PLEKHG1: variants seen among roughly 807,000 people sequenced by gnomAD.
The protein encoded by PLEKHG1 is pleckstrin homology domain-containing family G member 1.
A neutral mutation model predicts 100.8 loss-of-function variants in PLEKHG1; 44 were observed. The ratio of observed to expected loss-of-function variants is 0.44; its 90% CI spans 0.34 to 0.56. The LOEUF (loss-of-function observed/expected upper bound fraction) is 0.56, where lower values mean the gene tolerates loss of function less well. Among genes scored for constraint, PLEKHG1 ranks in the 20% least tolerant of loss-of-function variants. PLEKHG1 has a pLI of 0.01. For synonymous variants in PLEKHG1, 640 were observed against 662.5 expected, an observed-to-expected ratio of 0.97 and a Z score of 0.52; for missense variants, 1,545 against 1,720.9, an observed-to-expected ratio of 0.90 and a Z score of 1.81.
At chr6:150,700,741 C>T (rs772813513) in intron 3 of PLEKHG1, among the ~76,000 whole-genome samples, 2 of 152,166 alleles carry the variant, frequency 1.3e-5, no homozygotes, top group East Asian at 1.9e-4. Flanking sequence ...GATGAGCTTG[C>T]TGTGCTTTGA....
chr6:150,702,203 G>A (rs538357284), intron 3 of PLEKHG1, among the ~76,000 whole-genome samples: 2 of 152,338 alleles, frequency 1.3e-5, no homozygotes, highest in East Asian at 1.9e-4. Context: ...TGGGCGCAGT[G>A]GCTCATGCCT....
At chr6:150,626,263 G>C (rs1777505561) in intron 1 of PLEKHG1, among the ~76,000 whole-genome samples, 2 of 152,176 alleles carry the variant, frequency 1.3e-5, no homozygotes, top group Admixed American at 6.5e-5. Context: ...AAGGAATAGA[G>C]AGAGATACTA....
At chr6:150,730,732 G>A (rs553384528) in intron 1 of PLEKHG1, among the ~76,000 whole-genome samples, 5 of 152,042 alleles carry the variant, frequency 3.3e-5, no homozygotes, top group East Asian at 3.9e-4. Context: ...GTGAAACCCC[G>A]TCTCTACTAA....
In PLEKHG1 at chr6:150,683,447, G is replaced by C. The variant is rs1182594815; in HGVS notation, c.-99+32661G>C. Reference sequence around the variant, plus strand: ...GCTCACTGTTGAGCTGCTTCCCTTTGCATCTCGGGGGAAGGTGTGGTTCAC... The same window carrying C: ...GCTCACTGTTGAGCTGCTTCCCTTTCCATCTCGGGGGAAGGTGTGGTTCAC... On this transcript the variant is annotated intron_variant, in intron 3 of 3. Coordinates refer to the PLEKHG1 transcript ENST00000367326. The surrounding 1 kb of genome is among the most constrained non-coding windows in gnomAD (Gnocchi z 4.0). 6.6e-6 allele frequency among the ~76,000 whole-genome samples: 1 copy of C among 152,012 alleles called. No individual in the cohort carries two copies. Among genetic ancestry groups the C allele is most frequent in the African/African-American group, 2.4e-5 (1 of 41,370 alleles).
At position 150,812,686 on chromosome 6, in the gene PLEKHG1, G is replaced by A. The variant is rs112793469; in HGVS notation, c.1278+2952G>A. On this transcript the variant is annotated intron_variant, in intron 10 of 15. Coordinates refer to ENST00000358517, the Ensembl canonical transcript of PLEKHG1. Reference sequence around the variant, plus strand: ...AGGCAAGAGCAAAGCAAGACTTCTCGTCTGGCTCGAATGCCGAGTCCATGA... The same window carrying A: ...AGGCAAGAGCAAAGCAAGACTTCTCATCTGGCTCGAATGCCGAGTCCATGA... Among the ~76,000 whole-genome samples, 1,251 of 152,258 alleles carry A rather than the reference G, an allele frequency of 8.2e-3. 19 individuals carry two copies. The highest frequency in any genetic ancestry group is 0.026 in the African/African-American group (1,089 of 41,550).
At chr6:150,673,864 A>G (rs1779653305) in intron 3 of PLEKHG1, among the ~76,000 whole-genome samples, 1 of 152,046 alleles carries the variant, frequency 6.6e-6, no homozygotes, top group Non-Finnish European at 1.5e-5. Context: ...AGCTTTTGCT[A>G]TGTTGCTGCG....
chr6:150,801,437 C>CT (rs35282307), intron 6 of PLEKHG1, among the ~76,000 whole-genome samples: 2,444 of 108,702 alleles, frequency 0.022, 118 homozygotes, highest in East Asian at 0.13. Context: ...CTTTTCTTTT[C>CT]TTTTTTTTTT....
At chr6:150,642,804 G>T (rs1445768918) in intron 2 of PLEKHG1, among the ~76,000 whole-genome samples, 1 of 152,208 alleles carries the variant, frequency 6.6e-6, no homozygotes. Context: ...TAATATAGCT[G>T]CTATCCAGTT....
chr6:150,722,416 C>T (rs1186461942), intron 1 of PLEKHG1, among the ~76,000 whole-genome samples: 2 of 137,662 alleles, frequency 1.5e-5, no homozygotes, highest in Admixed American at 8.1e-5. Flanking sequence ...TGCAGTGGCA[C>T]GATCTTGGCT....
chr6:150,777,652 T>C (rs1335817723), intron 3 of PLEKHG1, among the ~76,000 whole-genome samples: 1 of 151,184 alleles, frequency 6.6e-6, no homozygotes, highest in Non-Finnish European at 1.5e-5. Flanking sequence ...GATGCAATCC[T>C]GGTGCACATG....
intron 2 of PLEKHG1, among the ~76,000 whole-genome samples, chr6:150,742,564 CAAAAAAAAAA>C (rs58003146): frequency 8.3e-5 from 4 of 48,368 alleles, no homozygotes; most frequent in East Asian, 6.9e-4. Flanking sequence ...GACTCCATCT[CAAAAAAAAAA>C]AAAAAAAAAA....
Position 150,714,811 on chromosome 6 carries a change from A to ATTT in PLEKHG1, c.-98-18768_-98-18766dup, listed in dbSNP as rs773303756. Among the ~76,000 whole-genome samples the ATTT allele has an allele frequency of 2.3e-4, 34 of 147,970 alleles. 3 individuals carry two copies. Among genetic ancestry groups the ATTT allele is most frequent in the South Asian group, 6.5e-4 (3 of 4,630 alleles). The stretch of plus-strand genomic sequence containing the variant: ...TAGACCTATGTCTTTTGCTGACAGA[A>ATTT]TTTTTTTCTTTTTTTTTGAGACAGT... On this transcript the variant is annotated intron_variant, in intron 3 of 3. Transcript: ENST00000367326.
intron 2 of PLEKHG1, among the ~76,000 whole-genome samples, chr6:150,766,402 A>AC (rs2128638248): frequency 6.6e-6 from 1 of 152,326 alleles, no homozygotes; most frequent in East Asian, 1.9e-4. Context: ...TGAGCTTCAA[A>AC]CCACTCATTT....
chr6:150,790,306 C>T (rs148923544), intron 4 of PLEKHG1, among the ~76,000 whole-genome samples: 252 of 152,252 alleles, frequency 1.7e-3, no homozygotes, highest in Non-Finnish European at 3.0e-3. Context: ...GGATTACAGG[C>T]GTGAGCCACC....
intron 3 of PLEKHG1, among the ~76,000 whole-genome samples, chr6:150,701,457 ATATATATAT>A (rs1780780924): frequency 2.5e-5 from 2 of 80,258 alleles, no homozygotes; most frequent in Middle Eastern, 4.9e-3. Context: ...ATATATATAT[ATATATATAT>A]AATTATACTT....
At chr6:150,702,571 T>TGTGTGG (rs1668876039) in intron 3 of PLEKHG1, among the ~76,000 whole-genome samples, 1 of 151,554 alleles carries the variant, frequency 6.6e-6, no homozygotes, top group South Asian at 2.1e-4. Context: ...TGTGTGTGTG[T>TGTGTGG]GTGTGTGTGT....
At chr6:150,673,363 G>A (rs1582922030) in intron 3 of PLEKHG1, among the ~76,000 whole-genome samples, 2 of 152,142 alleles carry the variant, frequency 1.3e-5, no homozygotes, top group East Asian at 3.8e-4. Flanking sequence ...AGCTAACTCA[G>A]CCCCCAAGCC....
intron 1 of PLEKHG1, among the ~76,000 whole-genome samples, chr6:150,636,773 T>G (rs1359187247): frequency 6.6e-6 from 1 of 152,228 alleles, no homozygotes; most frequent in African/African-American, 2.4e-5. Context: ...AGTGGATGTA[T>G]TGTTTTAAAA....
chr6:150,729,138 CTGCAGTGCAG>C (rs1007323088), intron 1 of PLEKHG1, among the ~76,000 whole-genome samples: 3 of 152,170 alleles, frequency 2.0e-5, no homozygotes, highest in African/African-American at 7.2e-5. Flanking sequence ...GCCACCCAGG[CTGCAGTGCAG>C]TGGCACAATC....
Sources: gnomAD v4.1 joint callset for allele counts (sites outside exome capture counted in the v4.1 genomes callset) on GRCh38, gnomAD v4.1.1 for gene constraint, Gnocchi (gnomAD v3.1) non-coding constraint, MANE v1.5 for transcripts, NCBI Gene and HGNC (gene_info 2026-07-23, HGNC 2026-07-21) for gene names.